PTK7: variants seen among roughly 807,000 people sequenced by gnomAD.
PTK7 encodes protein tyrosine kinase 7 (inactive).
A neutral mutation model predicts 116.6 loss-of-function variants in PTK7; 39 were observed. The observed-to-expected ratio is 0.33, with a 90% CI of 0.26 to 0.44. The LOEUF is 0.44. Ranked by LOEUF, PTK7 falls within the 20% of genes least tolerant of loss-of-function variation. The probability of loss-of-function intolerance (pLI) is 1.00; values close to 1 mark genes in which losing one functional copy is unlikely to be tolerated. For missense variants in PTK7, 1,169 were observed against 1,425.6 expected, an observed-to-expected ratio of 0.82 and a Z score of 2.90; for synonymous variants, 546 against 563.6, an observed-to-expected ratio of 0.97 and a Z score of 0.44.
chr6:43,087,796 G>A (rs1240313356), intron 1 of PTK7, among the ~76,000 whole-genome samples: 2 of 152,240 alleles, frequency 1.3e-5, no homozygotes, highest in African/African-American at 2.4e-5. Context: ...TTTAGGGAGA[G>A]CACTTTAATC....
chr6:43,144,652 C>T, intron 15 of PTK7, 46 bp downstream of exon 15: 3 of 1,568,086 alleles, frequency 1.9e-6, no homozygotes, highest in Non-Finnish European at 2.6e-6. Context: ...TACAAGTCAC[C>T]CGCTGTGTCT....
At chr6:43,125,543 G>A (rs1047273109) in intron 1 of PTK7, among the ~76,000 whole-genome samples, 6 of 152,192 alleles carry the variant, frequency 3.9e-5, no homozygotes, top group Admixed American at 3.3e-4. Flanking sequence ...CCCACCACCT[G>A]CTTATTGCCT....
At chr6:43,151,558 A>G (rs1582213530) in intron 17 of PTK7, among the ~76,000 whole-genome samples, 1 of 115,672 alleles carries the variant, frequency 8.6e-6, no homozygotes, top group African/African-American at 3.4e-5. Flanking sequence ...TCGGAGACGG[A>G]GTCTCACTCC....
intron 13 of PTK7, chr6:43,142,546 T>C: frequency 1.6e-6 from 1 of 613,762 alleles, no homozygotes; most frequent in Non-Finnish European, 3.0e-6. Context: ...GGGTGTTCTC[T>C]TCCTACAATG....
chr6:43,082,851 C>T (rs888594346), intron 1 of PTK7, among the ~76,000 whole-genome samples: 2 of 152,154 alleles, frequency 1.3e-5, no homozygotes, highest in Non-Finnish European at 2.9e-5. Flanking sequence ...ATAACGAAAG[C>T]CAGTGGAGAA....
Position 43,145,002 on chromosome 6 carries a change from T to G in PTK7, c.2408-198T>G, listed in dbSNP as rs1359824898. 1 of 471,194 alleles carries G rather than the reference T, an allele frequency of 2.1e-6. No homozygotes were observed. The highest frequency in any genetic ancestry group is 3.7e-6 in the Non-Finnish European group (1 of 270,022). The allele number at this position is 471,194 out of a possible 1,614,324, so 29.2% of individuals were successfully genotyped here. A position where few individuals can be genotyped will look rare whatever the true frequency, so the allele number is the denominator to read the frequency against. Reference sequence around the variant, plus strand: ...ATGCGAGTCACCCTTTGGAAAATGCTGAATATTAGTCCCACCCTTTTATTT... The same window carrying G: ...ATGCGAGTCACCCTTTGGAAAATGCGGAATATTAGTCCCACCCTTTTATTT... On this transcript the variant is annotated intron_variant, in intron 15 of 19. Coordinates refer to ENST00000230419, the MANE Select transcript of PTK7 (RefSeq NM_002821.5). This position sits in a 1 kb window ranked among gnomAD's most constrained non-coding sequence, Gnocchi z 4.8.
intron 17 of PTK7, among the ~76,000 whole-genome samples, chr6:43,158,023 G>A (rs11970376): frequency 0.11 from 17,263 of 152,044 alleles, 1,317 homozygotes; most frequent in African/African-American, 0.22. Flanking sequence ...TGGGGGCTGG[G>A]CGCAGTGGCT....
rs58443009 is a variant in PTK7 at position 43,138,688 on chromosome 6, G to T, written c.1229-161G>T. Reference sequence around the variant, plus strand: ...AAAGAAAAAAAATTTTAAAAAAGGTGCTGGCACCTGGGTCTTCCGTAAAGG... The same window carrying T: ...AAAGAAAAAAAATTTTAAAAAAGGTTCTGGCACCTGGGTCTTCCGTAAAGG... On this transcript the variant is annotated intron_variant, in intron 7 of 19. Coordinates refer to ENST00000230419, the MANE Select transcript of PTK7 (RefSeq NM_002821.5). 87 of 984,388 alleles carry T rather than the reference G, an allele frequency of 8.8e-5. No individual in the cohort carries two copies. The African/African-American group carries it at 1.2e-3, about 14-fold the overall frequency. The allele number at this position is 984,388 out of a possible 1,614,324, so 61.0% of individuals were successfully genotyped here.
intron 17 of PTK7, among the ~76,000 whole-genome samples, chr6:43,155,987 G>A (rs1771402582): frequency 6.6e-6 from 1 of 152,106 alleles, no homozygotes. Context: ...CCAGCACTTT[G>A]GGAGGCTGAG....
At chr6:43,077,630 C>T (rs1168838631) in intron 1 of PTK7, among the ~76,000 whole-genome samples, 2 of 152,196 alleles carry the variant, frequency 1.3e-5, no homozygotes, top group Non-Finnish European at 2.9e-5. Flanking sequence ...CCCGACCCTC[C>T]ACAACACTCC....
intron 1 of PTK7, among the ~76,000 whole-genome samples, chr6:43,096,423 G>T (rs115550934): frequency 0.021 from 3,174 of 150,710 alleles, 115 homozygotes; most frequent in African/African-American, 0.072. Context: ...CTCTTTCTGA[G>T]TTCCTCTGGA....
At chr6:43,090,958 G>A (rs771006076) in intron 1 of PTK7, among the ~76,000 whole-genome samples, 15 of 152,032 alleles carry the variant, frequency 9.9e-5, no homozygotes, top group Non-Finnish European at 2.2e-4. Context: ...TGATTTTAGG[G>A]ATCAGCCAAG....
rs748567987 is a variant in PTK7, at chr6:43,139,244, G to A, written c.1471G>A (p.Glu491Lys). The A allele has an allele frequency of 5.0e-6, 8 of 1,614,074 alleles. No individual in the cohort carries two copies. Among genetic ancestry groups the A allele is most frequent in the East Asian group, 2.2e-5 (1 of 44,886 alleles). Residue 491 changes from glutamate (E) to lysine (K), a missense_variant, in exon 9 of 20, where the codon GAG becomes AAG. Around this residue, in one of 3 missense-constraint regions of PTK7, gnomAD observed 678 missense variants for 853.8 expected, o/e 0.79. Transcript: ENST00000230419. This position sits in a 1 kb window ranked among gnomAD's most constrained non-coding sequence, Gnocchi z 4.6. ...CMSSTPAGSIEAQARVQVLEK... is the reference protein window; with the variant it reads ...CMSSTPAGSIKAQARVQVLEK... ...GAGCAGCACCCCAGCCGGCAGCATC[G>A]AGGCGCAAGCCCGTGTCCAAGTGCT...
Position 43,149,253 on chromosome 6 carries a change from T to C in PTK7, c.2721+2555T>C, listed in dbSNP as rs559591986. On this transcript the variant is annotated intron_variant, in intron 17 of 19. Transcript: ENST00000230419. The stretch of plus-strand genomic sequence containing the variant: ...TGGGCATGGTGTCACGTGCATATAA[T>C]TCCAGCTACTCGGGAGGCTGAGGCA... Among the ~76,000 whole-genome samples, 5 of 151,740 alleles carry C rather than the reference T, an allele frequency of 3.3e-5. No individual in the cohort carries two copies. The South Asian group carries it at 1.0e-3, about 32-fold the overall frequency.
At chr6:43,115,044 A>T (rs1327818072) in intron 1 of PTK7, among the ~76,000 whole-genome samples, 1 of 136,250 alleles carries the variant, frequency 7.3e-6, no homozygotes, top group East Asian at 1.9e-4. Flanking sequence ...CTTTGTCTCA[A>T]AAAAAAAAAA....
chr6:43,076,512 G>A lies in PTK7; in HGVS notation c.24G>A (p.Pro8=), dbSNP rs757357881. ...CGATGGGAGCTGCGCGGGGATCCCC[G>A]GCCAGACCCCGCCGGTTGCCTCTGC... MGAARGS[P]ARPRRLPLLS... is the part of the protein sequence containing the mutation. The change falls in exon 1 of 20, where the codon CCG becomes CCA. Residue 8 remains proline (P), a synonymous_variant. Coordinates refer to ENST00000230419, the MANE Select transcript of PTK7 (RefSeq NM_002821.5). The surrounding 1 kb of genome is among the most constrained non-coding windows in gnomAD (Gnocchi z 5.7). The A allele has an allele frequency of 6.6e-5, 104 of 1,572,814 alleles. No individual in the cohort carries two copies. The highest frequency in any genetic ancestry group is 1.8e-4 in the Middle Eastern group (1 of 5,550).
At chr6:43,095,197 TAAAA>T (rs34914497) in intron 1 of PTK7, among the ~76,000 whole-genome samples, 2,777 of 88,992 alleles carry the variant, frequency 0.031, 45 homozygotes, top group South Asian at 0.046. Flanking sequence ...CAGTCTCTAC[TAAAA>T]AAAAAAAAAA....
intron 1 of PTK7, among the ~76,000 whole-genome samples, chr6:43,117,373 TA>T (rs896899864): frequency 1.3e-5 from 2 of 152,230 alleles, no homozygotes; most frequent in African/African-American, 2.4e-5. Flanking sequence ...AATTGCATTT[TA>T]CAAGAGCACA....
intron 7 of PTK7, among the ~76,000 whole-genome samples, chr6:43,137,070 TGAAAG>T (rs1770084876): frequency 6.6e-6 from 1 of 152,172 alleles, no homozygotes; most frequent in Admixed American, 6.5e-5. Context: ...TGAAAAGAGT[TGAAAG>T]GGATGGGAGG....
Sources: allele counts gnomAD v4.1 joint callset (sites outside exome capture counted in the v4.1 genomes callset), GRCh38; gene constraint gnomAD v4.1.1; regional missense constraint gnomAD v4.1.1; non-coding constraint Gnocchi (gnomAD v3.1); transcripts MANE v1.5; gene names NCBI Gene and HGNC (gene_info 2026-07-23, HGNC 2026-07-21).